CUX1: variants seen among roughly 807,000 people sequenced by gnomAD.
CUX1 encodes cut like homeobox 1, also known as protein CASP.
Under a neutral mutation model 158.8 loss-of-function variants are expected in CUX1, and 31 were observed. That is an observed-to-expected ratio of 0.20 (90% confidence interval 0.15 to 0.26). The LOEUF is 0.26. CUX1 is among the 10% of genes least tolerant of loss of function. The pLI, the probability that CUX1 is intolerant of heterozygous loss-of-function variation, is 1.00. For synonymous variants in CUX1, 879 were observed against 862.1 expected (o/e 1.02, Z -0.34); for missense variants, 1,589 against 2,014.6 (o/e 0.79, Z 4.04).
At chr7:102,031,376 T>A (rs1820769281) in intron 3 of CUX1, among the ~76,000 whole-genome samples, 1 of 152,120 alleles carries the variant, frequency 6.6e-6, no homozygotes, top group Non-Finnish European at 1.5e-5. Flanking sequence ...TTTTTTTGTT[T>A]GTTTGTTTGT....
At chr7:102,036,475 C>T (rs1435275192) in intron 3 of CUX1, among the ~76,000 whole-genome samples, 3 of 152,118 alleles carry the variant, frequency 2.0e-5, no homozygotes, top group African/African-American at 7.2e-5. Flanking sequence ...CGCGTTGGCT[C>T]TTACCCGTAA....
At chr7:101,870,153 G>T (rs2970496) in intron 1 of CUX1, among the ~76,000 whole-genome samples, 73,700 of 103,658 alleles carry the variant, frequency 0.71, 23,363 homozygotes, top group East Asian at 0.89. Context: ...TGTTTTTTTT[G>T]TTTTTTTTTT....
chr7:101,902,196 C>T (rs1441979978), intron 1 of CUX1, among the ~76,000 whole-genome samples: 1 of 152,132 alleles, frequency 6.6e-6, no homozygotes, highest in Non-Finnish European at 1.5e-5. Context: ...GACAGTCGGC[C>T]GAATCTGGAT....
At chr7:101,898,605 T>C (rs1801789523) in intron 1 of CUX1, among the ~76,000 whole-genome samples, 1 of 149,782 alleles carries the variant, frequency 6.7e-6, no homozygotes, top group Admixed American at 6.6e-5. Context: ...TTTTTTTTTT[T>C]TTTGAGACAG....
At chr7:101,849,144 T>G (rs1303404682) in intron 1 of CUX1, among the ~76,000 whole-genome samples, 2 of 152,086 alleles carry the variant, frequency 1.3e-5, no homozygotes, top group African/African-American at 4.8e-5. Context: ...GGGGTGACAG[T>G]GGATCATCTT....
intron 1 of CUX1, among the ~76,000 whole-genome samples, chr7:101,846,504 T>C (rs1050306158): frequency 2.6e-5 from 4 of 152,070 alleles, no homozygotes; most frequent in African/African-American, 9.7e-5. Context: ...GCTGATTTTA[T>C]TTTTTGTATT....
chr7:101,849,910 C>CA (rs1796091296), intron 1 of CUX1, among the ~76,000 whole-genome samples: 1 of 140,574 alleles, frequency 7.1e-6, no homozygotes, highest in African/African-American at 2.6e-5. Flanking sequence ...TTGTCTCATG[C>CA]AATTTTTTTT....
intron 2 of CUX1, among the ~76,000 whole-genome samples, chr7:101,938,215 C>T (rs1413471834): frequency 2.0e-5 from 3 of 151,722 alleles, no homozygotes; most frequent in African/African-American, 7.3e-5. Flanking sequence ...CAGGTTCAAG[C>T]GATCCTTCCA....
intron 2 of CUX1, among the ~76,000 whole-genome samples, chr7:102,018,218 C>A (rs1563136886): frequency 6.6e-6 from 1 of 152,180 alleles, no homozygotes; most frequent in East Asian, 1.9e-4. Context: ...GTCTGGGCCT[C>A]CCAACGTGCA....
At chr7:102,004,401 G>C (rs1817069447) in intron 2 of CUX1, among the ~76,000 whole-genome samples, 1 of 152,146 alleles carries the variant, frequency 6.6e-6, no homozygotes, top group South Asian at 2.1e-4. Context: ...TAGTTCATCT[G>C]TTTGGCAGTG....
intron 20 of CUX1, among the ~76,000 whole-genome samples, chr7:102,216,546 ACCCACACACG>A (rs1563424664): frequency 1.0e-5 from 1 of 98,158 alleles, no homozygotes; most frequent in Admixed American, 1.2e-4. Flanking sequence ...ACACACACAC[ACCCACACACG>A]CACACACACT....
In CUX1 at chr7:101,817,821, C is replaced by CCCTCCTA; in HGVS notation, c.30+152_30+153insCCTCCTA. 2.3e-6 allele frequency: 2 copies of CCCTCCTA among 884,944 alleles called. No individual in the cohort carries two copies. Among genetic ancestry groups the CCCTCCTA allele is most frequent in the East Asian group, 2.9e-5 (1 of 33,926 alleles). 54.8% of individuals were successfully genotyped at this position (884,944 alleles called of 1,614,324 possible). A position where few individuals can be genotyped will look rare whatever the true frequency, so the allele number is the denominator to read the frequency against. On this transcript the variant is annotated intron_variant, in intron 1 of 23. Coordinates refer to ENST00000292535, the MANE Select transcript of CUX1 (RefSeq NM_181552.4). This position sits in a 1 kb window ranked among gnomAD's most constrained non-coding sequence, Gnocchi z 4.1. Reference sequence around the variant, plus strand: ...AGGGTTCCTCAGGGCCCCTGGGGAACTGCAGCTACTCCCAACTGCTAAGGT... The same window carrying CCCTCCTA: ...AGGGTTCCTCAGGGCCCCTGGGGAACCCTCCTATGCAGCTACTCCCAACTGCTAAGGT...
rs1364943447 is a variant in CUX1, at chr7:102,249,792, A to G, written c.*750A>G. ...TCTAAACACACTAGTTTGGATTCCT[A>G]AATATTTTCAAGAAAAGAATCTTCT... On this transcript the variant is annotated 3_prime_UTR_variant, in exon 24 of 24. Coordinates refer to ENST00000292535, the MANE Select transcript of CUX1 (RefSeq NM_181552.4). 2 of 985,674 alleles carry G rather than the reference A, an allele frequency of 2.0e-6. No homozygotes were observed. The highest frequency in any genetic ancestry group is 1.7e-5 in the African/African-American group (1 of 57,246). The allele number at this position is 985,674 out of a possible 1,614,324, so 61.1% of individuals were successfully genotyped here.
At chr7:101,935,854 G>A (rs1806860438) in intron 2 of CUX1, among the ~76,000 whole-genome samples, 1 of 152,188 alleles carries the variant, frequency 6.6e-6, no homozygotes, top group Admixed American at 6.5e-5. Flanking sequence ...ACATGGCCAG[G>A]CTCACATTTC....
At chr7:102,234,468 A>C (rs1799322649) in intron 22 of CUX1, among the ~76,000 whole-genome samples, 1 of 152,078 alleles carries the variant, frequency 6.6e-6, no homozygotes, top group African/African-American at 2.4e-5. Context: ...TTTTTTTAGC[A>C]CTGGGAGCAC....
At chr7:102,051,654 C>CAAAAAAAAAAAAAAAAAAAA (rs1299911064) in intron 3 of CUX1, among the ~76,000 whole-genome samples, 4 of 89,744 alleles carry the variant, frequency 4.5e-5, no homozygotes, top group African/African-American at 1.6e-4. Context: ...GACTCTGTCT[C>CAAAAAAAAAAAAAAAAAAAA]AAAAAAAAAA....
At position 102,275,877 on chromosome 7, in the gene CUX1, C is replaced by T. The variant is rs137972748; in HGVS notation, c.1563+518C>T. Among the ~76,000 whole-genome samples, 1,222 of 152,120 alleles carry T rather than the reference C, an allele frequency of 8.0e-3. 14 individuals are homozygous for T. Among genetic ancestry groups the T allele is most frequent in the African/African-American group, 0.027 (1,132 of 41,500 alleles). On this transcript the variant is annotated intron_variant, in intron 17 of 22. Transcript: ENST00000292538. ...TACAAAAATTAGCCGGGCATGGTGG[C>T]GGGCACCTGTAGTCCCAGCTACTTG...
At chr7:102,080,923 C>T (rs1026728408) in intron 4 of CUX1, among the ~76,000 whole-genome samples, 3 of 152,238 alleles carry the variant, frequency 2.0e-5, no homozygotes, top group Non-Finnish European at 4.4e-5. Flanking sequence ...TTAGATCCCA[C>T]TGCGCACGCC....
chr7:102,187,696 A>G (rs1441294184), intron 11 of CUX1, among the ~76,000 whole-genome samples: 1 of 149,330 alleles, frequency 6.7e-6, no homozygotes, highest in East Asian at 2.0e-4. Flanking sequence ...TTTTTAGTAG[A>G]GACGGGGTTT....
Sources: gnomAD v4.1 joint callset for allele counts (sites outside exome capture counted in the v4.1 genomes callset) on GRCh38, gnomAD v4.1.1 for gene constraint, Gnocchi (gnomAD v3.1) non-coding constraint, MANE v1.5 for transcripts, NCBI Gene and HGNC (gene_info 2026-07-23, HGNC 2026-07-21) for gene names.